HSPA14: variants seen among roughly 807,000 people sequenced by gnomAD.
The protein encoded by HSPA14 is heat shock 70 kDa protein 14.
Under a neutral mutation model 65.5 loss-of-function variants are expected in HSPA14, and 37 were observed. The observed-to-expected ratio is 0.56, with a 90% CI of 0.43 to 0.74. The LOEUF (loss-of-function observed/expected upper bound fraction) is 0.74. HSPA14 is among the 30% of genes least tolerant of loss of function. The probability of loss-of-function intolerance (pLI) is 0.00; values close to 1 mark genes in which losing one functional copy is unlikely to be tolerated. For missense variants in HSPA14, 564 were observed against 607.6 expected, an observed-to-expected ratio of 0.93 and a Z score of 0.75; for synonymous variants, 203 against 214.2, an observed-to-expected ratio of 0.95 and a Z score of 0.46.
chr10:14,844,904 G>A, intron 3 of HSPA14: 2 of 985,288 alleles, frequency 2.0e-6, no homozygotes, highest in Middle Eastern at 5.2e-4. Flanking sequence ...TGTTATACAG[G>A]GCAAGCCCTA....
At chr10:14,851,557 T>C (rs1281831299) in intron 7 of HSPA14, among the ~76,000 whole-genome samples, 1 of 152,208 alleles carries the variant, frequency 6.6e-6, no homozygotes, top group East Asian at 1.9e-4. Context: ...TGTCCCTTTT[T>C]TGAGGGAAGA....
intron 3 of HSPA14, chr10:14,846,227 G>C: frequency 2.0e-6 from 2 of 975,612 alleles, no homozygotes; most frequent in Non-Finnish European, 2.4e-6. Context: ...TCAATTATAG[G>C]TAGGTAGGTA....
chr10:14,854,296 A>C lies in HSPA14; in HGVS notation c.890+16A>C. 1 of 1,556,972 alleles carries C rather than the reference A, an allele frequency of 6.4e-7. No individual in the cohort carries two copies. The highest frequency in any genetic ancestry group is 8.7e-7 in the Non-Finnish European group (1 of 1,153,644). Reference sequence around the variant, plus strand: ...ATGTGTCCAGGTAAAACTGAAGTTCAAAAAACTTTTTTAAAAAATTCCAAG... The same window carrying C: ...ATGTGTCCAGGTAAAACTGAAGTTCCAAAAACTTTTTTAAAAAATTCCAAG... On this transcript the variant is annotated intron_variant, in intron 9 of 13. Coordinates refer to ENST00000378372, the MANE Select transcript of HSPA14 (RefSeq NM_016299.4).
intron 10 of HSPA14, among the ~76,000 whole-genome samples, chr10:14,862,373 TTTC>T (rs1832757924): frequency 1.4e-5 from 2 of 146,746 alleles, no homozygotes; most frequent in Middle Eastern, 3.3e-3. Context: ...TTTCTTTTCT[TTTC>T]TTTTTTTTTT....
chr10:14,867,385 T>C, intron 11 of HSPA14, 90 bp downstream of exon 11: 1 of 871,952 alleles, frequency 1.1e-6, no homozygotes, highest in Middle Eastern at 3.4e-4. Flanking sequence ...TAAGTTTTTA[T>C]ACATACCATG....
intron 7 of HSPA14, among the ~76,000 whole-genome samples, chr10:14,851,893 G>A (rs1026715610): frequency 1.3e-5 from 2 of 152,136 alleles, no homozygotes; most frequent in African/African-American, 4.8e-5. Flanking sequence ...AGAAATATGT[G>A]TACATCATGA....
chr10:14,843,251 G>C (rs1391569642), intron 3 of HSPA14: 4 of 1,236,438 alleles, frequency 3.2e-6, no homozygotes, highest in Admixed American at 4.2e-5. Context: ...CCAGTCCCTG[G>C]TGGAAAGAGG....
intron 10 of HSPA14, among the ~76,000 whole-genome samples, chr10:14,858,717 C>T (rs896110063): frequency 1.3e-5 from 2 of 152,144 alleles, no homozygotes; most frequent in Non-Finnish European, 2.9e-5. Context: ...AATCCTCTTA[C>T]GGGGAACGGG....
chr10:14,839,494 G>C (rs1380584756), intron 1 of HSPA14, among the ~76,000 whole-genome samples: 1 of 151,728 alleles, frequency 6.6e-6, no homozygotes, highest in Non-Finnish European at 1.5e-5. Context: ...GAACCCGGGA[G>C]GCGGAAGTTG....
At position 14,842,664 on chromosome 10, in the gene HSPA14, C is replaced by G. The variant is rs1833989693; in HGVS notation, c.221+2507C>G. The G allele has an allele frequency of 1.3e-6, 2 of 1,536,126 alleles. No individual in the cohort carries two copies. Among genetic ancestry groups the G allele is most frequent in the Non-Finnish European group, 1.7e-6 (2 of 1,146,964 alleles). On this transcript the variant is annotated intron_variant, in intron 3 of 13. Transcript: ENST00000378372. This position sits in a 1 kb window ranked among gnomAD's most constrained non-coding sequence, Gnocchi z 5.2. ...AAGCACTGTGATCAGAACTTAGTGGCCTCTGACGCCCCAGGGGAAGAGGGA... is the reference window on the plus strand; with the variant it reads ...AAGCACTGTGATCAGAACTTAGTGGGCTCTGACGCCCCAGGGGAAGAGGGA...
rs11814583 is a variant in HSPA14, at chr10:14,867,564, T to C, written c.1207-172T>C. Among the ~76,000 whole-genome samples, 1,268 of 152,288 alleles carry C rather than the reference T, an allele frequency of 8.3e-3. 23 individuals are homozygous for C. The highest frequency in any genetic ancestry group is 0.029 in the African/African-American group (1,193 of 41,562). On this transcript the variant is annotated intron_variant, in intron 11 of 13. Transcript: ENST00000378372. ...TCATAAGCTAATATAGAGAGAGGTA[T>C]GTTTCAATATATTTTTAAAGTGAAG...
rs2131654608 is a variant in HSPA14, at chr10:14,870,639, G to T, written c.1423G>T (p.Asp475Tyr). ...DLDKKENGLRDILAVLTMKRD... is the reference protein window; with the variant it reads ...DLDKKENGLRYILAVLTMKRD... ...AGATAAAAAAGAAAATGGATTACGT[G>T]ATATATTAGCTGTTCTTACTATGAA... The change falls in exon 13 of 14, where the codon GAT (aspartate) becomes TAT (tyrosine). Residue 475 changes from aspartate (D) to tyrosine (Y), a missense_variant. Coordinates refer to ENST00000378372, the MANE Select transcript of HSPA14 (RefSeq NM_016299.4). 1 of 1,581,914 alleles carries T rather than the reference G, an allele frequency of 6.3e-7. No individual in the cohort carries two copies. The highest frequency in any genetic ancestry group is 8.6e-7 in the Non-Finnish European group (1 of 1,157,388).
At position 14,855,917 on chromosome 10, in the gene HSPA14, G is replaced by A; in HGVS notation, c.967G>A (p.Gly323Arg). 6.3e-7 allele frequency: 1 copy of A among 1,593,720 alleles called. No homozygotes were observed. Residue 323 changes from glycine (G) to arginine (R), a missense_variant, in exon 10 of 14, where the codon GGA (glycine) becomes AGA (arginine). Transcript: ENST00000378372. ...EAIRGLLDQN[G>R]FTADDINKVV... ...AATCAGAGGACTCTTAGATCAAAATGGATTTACAGCAGATGATATCAACAA... is the reference window on the plus strand; with the variant it reads ...AATCAGAGGACTCTTAGATCAAAATAGATTTACAGCAGATGATATCAACAA...
chr10:14,847,104 C>T, intron 3 of HSPA14: 4 of 861,516 alleles, frequency 4.6e-6, no homozygotes, highest in Non-Finnish European at 5.6e-6. Context: ...GTCTGCAGCC[C>T]TCGGAGCTAT....
intron 1 of HSPA14, among the ~76,000 whole-genome samples, chr10:14,839,290 G>A (rs77154025): frequency 0.014 from 2,118 of 152,344 alleles, 23 homozygotes; most frequent in Non-Finnish European, 0.022. Context: ...TGGGAAGAAA[G>A]GGGCCCAGCG....
chr10:14,864,315 AC>A (rs1180798827), intron 10 of HSPA14, among the ~76,000 whole-genome samples: 2 of 129,728 alleles, frequency 1.5e-5, no homozygotes, highest in Non-Finnish European at 3.4e-5. Flanking sequence ...AGCACCACTT[AC>A]TTTTTTTTTT....
At chr10:14,869,297 T>C (rs972665197) in intron 12 of HSPA14, among the ~76,000 whole-genome samples, 2 of 151,190 alleles carry the variant, frequency 1.3e-5, no homozygotes, top group African/African-American at 4.9e-5. Context: ...CACATATTTA[T>C]TTTAATTTTT....
At chr10:14,863,984 ATGG>A (rs1292431385) in intron 10 of HSPA14, among the ~76,000 whole-genome samples, 1 of 151,046 alleles carries the variant, frequency 6.6e-6, no homozygotes, top group Non-Finnish European at 1.5e-5. Context: ...ACACAGTGAG[ATGG>A]TGGCCACCTA....
rs1172961831 is a variant in HSPA14, at chr10:14,867,252, A to G, written c.1163A>G (p.Asp388Gly). 2.5e-6 allele frequency: 4 copies of G among 1,613,694 alleles called. No individual in the cohort carries two copies. The highest frequency in any genetic ancestry group is 3.3e-5 in the Admixed American group (2 of 60,008). Residue 388 changes from aspartate to glycine, a missense_variant, in exon 11 of 14, where the codon GAC becomes GGC. Coordinates refer to ENST00000378372, the MANE Select transcript of HSPA14 (RefSeq NM_016299.4). ...LIGKENLLVE[D>G]SLMIECSARD... The stretch of plus-strand genomic sequence containing the variant: ...GGGAAAGAAAACCTGTTGGTGGAAG[A>G]CTCTCTTATGATAGAGTGTTCAGCC...
Sources: gnomAD v4.1 joint callset for allele counts (sites outside exome capture counted in the v4.1 genomes callset) on GRCh38, gnomAD v4.1.1 for gene constraint, Gnocchi (gnomAD v3.1) non-coding constraint, MANE v1.5 for transcripts, NCBI Gene and HGNC (gene_info 2026-07-23, HGNC 2026-07-21) for gene names.